ESYT2: variants seen among roughly 807,000 people sequenced by gnomAD.
ESYT2 encodes the protein extended synaptotagmin-2.
Under a neutral mutation model 107.2 loss-of-function variants are expected in ESYT2, and 54 were observed. The observed-to-expected ratio is 0.50, with a 90% CI of 0.40 to 0.63. The LOEUF (loss-of-function observed/expected upper bound fraction) is 0.63, where lower values mean the gene tolerates loss of function less well. Ranked by LOEUF, ESYT2 falls within the 30% of genes least tolerant of loss-of-function variation. The pLI is 0.00. For synonymous variants in ESYT2, 491 were observed against 434.1 expected (o/e 1.13, Z -1.63); for missense variants, 1,020 against 1,094.5 (o/e 0.93, Z 0.96).
At chr7:158,781,431 AGT>A (rs10578116) in intron 6 of ESYT2, among the ~76,000 whole-genome samples, 118,634 of 151,604 alleles carry the variant, frequency 0.78, 47,886 homozygotes, top group Non-Finnish European at 0.89. Context: ...ACGAGTGAGA[AGT>A]GTGAGTGTGA....
intron 20 of ESYT2, 44 bp from the exon 21 acceptor site, chr7:158,735,652 G>C (rs1031749584): frequency 6.6e-7 from 1 of 1,520,742 alleles, no homozygotes; most frequent in African/African-American, 1.4e-5. Context: ...TCATTCTGCT[G>C]TATTTTCTTA....
chr7:158,739,797 C>G (rs558693126), intron 18 of ESYT2, among the ~76,000 whole-genome samples: 6 of 140,600 alleles, frequency 4.3e-5, no homozygotes, highest in Non-Finnish European at 7.6e-5. Flanking sequence ...TTTATACCCC[C>G]CCCTTCGCAG....
chr7:158,763,348 G>A (rs546787681), intron 9 of ESYT2, among the ~76,000 whole-genome samples, 183 bp from the exon 10 acceptor site: 2 of 152,158 alleles, frequency 1.3e-5, no homozygotes, highest in African/African-American at 2.4e-5. Flanking sequence ...AGGTTGGAGT[G>A]CAGTGGCACA....
rs746550182 is a variant in ESYT2, at chr7:158,829,089, C to A, written c.330G>T (p.Trp110Cys). The change falls in exon 1 of 23, where the codon TGG becomes TGT. Residue 110 changes from tryptophan (W) to cysteine (C), a missense_variant and splice_region_variant. Coordinates refer to ENST00000275418, the MANE Select transcript of ESYT2 (RefSeq NM_001367773.1). ...GGGACGGGCAGGGGTCTGCACTCACCCAGGCGGGCAGGTCGCAGGCGCGCA... is the reference window on the plus strand; with the variant it reads ...GGGACGGGCAGGGGTCTGCACTCACACAGGCGGGCAGGTCGCAGGCGCGCA... Reference protein sequence around the residue: ...LGVRACDLPAWVHFPDTERAE... With the variant: ...LGVRACDLPACVHFPDTERAE... 1.0e-5 allele frequency: 16 copies of A among 1,584,520 alleles called. No individual in the cohort carries two copies. Among genetic ancestry groups the A allele is most frequent in the Non-Finnish European group, 4.3e-6 (5 of 1,174,448 alleles).
At chr7:158,824,728 C>T (rs1365807441) in intron 1 of ESYT2, among the ~76,000 whole-genome samples, 1 of 152,212 alleles carries the variant, frequency 6.6e-6, no homozygotes, top group Non-Finnish European at 1.5e-5. Context: ...GCCATACAAT[C>T]AGCATTTATT....
intron 1 of ESYT2, among the ~76,000 whole-genome samples, chr7:158,810,259 C>G (rs1252747024): frequency 6.6e-6 from 1 of 152,180 alleles, no homozygotes; most frequent in African/African-American, 2.4e-5. Flanking sequence ...TATTTGCCTA[C>G]AAGTCAAAAC....
intron 1 of ESYT2, among the ~76,000 whole-genome samples, chr7:158,810,829 G>C (rs1839974303): frequency 6.6e-6 from 1 of 152,188 alleles, no homozygotes; most frequent in African/African-American, 2.4e-5. Context: ...GGAGGGGTCT[G>C]AGGATTGAGG....
intron 1 of ESYT2, among the ~76,000 whole-genome samples, chr7:158,815,622 C>T (rs953496125): frequency 2.0e-5 from 3 of 152,168 alleles, no homozygotes; most frequent in Admixed American, 6.5e-5. Context: ...CCAACTCTTC[C>T]ACTTGTGTAA....
intron 3 of ESYT2, among the ~76,000 whole-genome samples, chr7:158,794,839 T>C (rs1373703254): frequency 1.3e-5 from 2 of 152,166 alleles, no homozygotes; most frequent in Admixed American, 1.3e-4. Flanking sequence ...CATGAGTGTA[T>C]TAAAATCACA....
At chr7:158,825,117 A>G (rs1840401481) in intron 1 of ESYT2, among the ~76,000 whole-genome samples, 1 of 152,176 alleles carries the variant, frequency 6.6e-6, no homozygotes, top group Non-Finnish European at 1.5e-5. Context: ...ACATGGTGAA[A>G]CCCTGTCTCT....
Position 158,788,068 on chromosome 7 carries a change from A to G in ESYT2, c.683T>C (p.Leu228Pro). 1.2e-6 allele frequency: 2 copies of G among 1,614,134 alleles called. No homozygotes were observed. Among genetic ancestry groups the G allele is most frequent in the Non-Finnish European group, 1.7e-6 (2 of 1,179,972 alleles). The change falls in exon 6 of 23, where the codon CTG (leucine) becomes CCG (proline). Residue 228 changes from leucine (L) to proline (P), a missense_variant. Physicochemically the swap from Leu to Pro is moderately conservative, Grantham distance 98 (BLOSUM62 -3). Coordinates refer to ENST00000275418, the MANE Select transcript of ESYT2 (RefSeq NM_001367773.1). ...GGGCATATCTCCAATCAACGGTTCC[A>G]GGATCACCCGCATGGTACCATGAAT... is the stretch of plus-strand genomic sequence containing the variant. ...IQIHGTMRVI[L>P]EPLIGDMPLV...
At chr7:158,797,306 C>T (rs1359384366) in intron 3 of ESYT2, among the ~76,000 whole-genome samples, 2 of 152,102 alleles carry the variant, frequency 1.3e-5, no homozygotes, top group Non-Finnish European at 2.9e-5. Flanking sequence ...CACCACCACA[C>T]CCAGCTAACT....
chr7:158,741,406 C>T, intron 18 of ESYT2, 117 bp downstream of exon 18: 8 of 1,416,814 alleles, frequency 5.6e-6, no homozygotes, highest in East Asian at 2.4e-5. Context: ...TAAGATTAGG[C>T]CTCCCTCCCC....
At chr7:158,807,013 G>A (rs989784587) in intron 1 of ESYT2, among the ~76,000 whole-genome samples, 1 of 151,660 alleles carries the variant, frequency 6.6e-6, no homozygotes. Context: ...AGTATATATA[G>A]TTTATTCTAA....
In ESYT2 at chr7:158,761,500, T is replaced by A. The variant is rs1277622053; in HGVS notation, c.1229A>T (p.Asp410Val). ...CCACACTCCAGGGAAACTTACTTCA[T>A]CTAAAAGGCGCTCCTTTTCAACTTC... ...LIEVEKERLL[D>V]EWFTLDEVPK... is the part of the protein sequence containing the mutation. The change falls in exon 11 of 23, where the codon GAT (aspartate) becomes GTT (valine). Residue 410 changes from aspartate to valine, a missense_variant. Physicochemically the swap from Asp to Val is radical, Grantham distance 152 (BLOSUM62 -3). Coordinates refer to ENST00000275418, the MANE Select transcript of ESYT2 (RefSeq NM_001367773.1). 1.5e-5 allele frequency: 24 copies of A among 1,613,982 alleles called. No homozygotes were observed. The highest frequency in any genetic ancestry group is 1.6e-4 in the Middle Eastern group (1 of 6,084).
rs148895930 is a variant in ESYT2 at position 158,736,901 on chromosome 7, A to G, written c.2399+147T>C. 9.3e-6 allele frequency: 9 copies of G among 967,402 alleles called. No individual in the cohort carries two copies. The East Asian group carries it at 1.9e-4, about 20-fold the overall frequency. 59.9% of individuals were successfully genotyped at this position (967,402 alleles called of 1,614,324 possible). On this transcript the variant is annotated intron_variant, in intron 20 of 22. Coordinates refer to ENST00000275418, the MANE Select transcript of ESYT2 (RefSeq NM_001367773.1). ...AAGGTCAAAATGCTTATTTGTTTTG[A>G]GAAGTATGTTTGCTAAAAGTTGGTT... is the stretch of plus-strand genomic sequence containing the variant.
chr7:158,820,931 G>A (rs541811678), intron 1 of ESYT2, among the ~76,000 whole-genome samples: 41 of 152,242 alleles, frequency 2.7e-4, no homozygotes, highest in African/African-American at 9.6e-4. Context: ...TGTGTCACTA[G>A]CACCTAACAC....
intron 1 of ESYT2, among the ~76,000 whole-genome samples, chr7:158,815,559 G>A (rs1174210864): frequency 6.6e-6 from 1 of 152,034 alleles, no homozygotes; most frequent in African/African-American, 2.4e-5. Flanking sequence ...TTTAAATTGG[G>A]ACACATCCCT....
At chr7:158,807,532 C>T (rs1245177493) in intron 1 of ESYT2, among the ~76,000 whole-genome samples, 1 of 152,158 alleles carries the variant, frequency 6.6e-6, no homozygotes, top group Admixed American at 6.5e-5. Context: ...TAATCAGACA[C>T]ATGAAAACAC....
Sources: gnomAD v4.1 joint callset for allele counts (sites outside exome capture counted in the v4.1 genomes callset) on GRCh38, gnomAD v4.1.1 for gene constraint, MANE v1.5 for transcripts, NCBI Gene and HGNC (gene_info 2026-07-23, HGNC 2026-07-21) for gene names.